Variants in DCAF4 observed in about 807,000 individuals in gnomAD.
The protein encoded by DCAF4 is DDB1 and CUL4 associated factor 4, also known as DDB1- and CUL4-associated factor 4.
Under a neutral mutation model 60.9 loss-of-function variants are expected in DCAF4, and 37 were observed. The ratio of observed to expected loss-of-function variants is 0.61; its 90% CI spans 0.47 to 0.80. The LOEUF (loss-of-function observed/expected upper bound fraction) is 0.80. Among genes scored for constraint, DCAF4 ranks in the 30% least tolerant of loss-of-function variants. The probability of loss-of-function intolerance (pLI) is 0.00; values close to 1 mark genes in which losing one functional copy is unlikely to be tolerated. For synonymous variants in DCAF4, 243 were observed against 254.8 expected, an observed-to-expected ratio of 0.95 and a Z score of 0.44; for missense variants, 577 against 650.0, an observed-to-expected ratio of 0.89 and a Z score of 1.22.
chr14:72,937,285 C>A (rs1351396541), intron 1 of DCAF4, among the ~76,000 whole-genome samples: 1 of 151,968 alleles, frequency 6.6e-6, no homozygotes, highest in Non-Finnish European at 1.5e-5. Flanking sequence ...TGGGATGGGT[C>A]TCCCTTGAAA....
chr14:72,944,568 G>C (rs1369819525), intron 6 of DCAF4, among the ~76,000 whole-genome samples: 3 of 152,108 alleles, frequency 2.0e-5, no homozygotes, highest in Non-Finnish European at 2.9e-5. Flanking sequence ...CTCAGCAGGT[G>C]GTTCACTTGA....
At chr14:72,937,410 CTTTTTTTTTT>C (rs11288108) in intron 1 of DCAF4, among the ~76,000 whole-genome samples, 1 of 105,752 alleles carries the variant, frequency 9.5e-6, no homozygotes, top group African/African-American at 3.6e-5. Flanking sequence ...TTTTTCTTTT[CTTTTTTTTTT>C]TTTTTTTTTT....
intron 8 of DCAF4, among the ~76,000 whole-genome samples, chr14:72,947,607 C>T (rs549018567): frequency 1.3e-5 from 2 of 152,278 alleles, no homozygotes; most frequent in East Asian, 1.9e-4. Context: ...AGCAGAGGAA[C>T]AAGGCAGAAA....
At chr14:72,961,321 C>T (rs1892811916), downstream of DCAF4, among the ~76,000 whole-genome samples, 1 of 152,232 alleles carries the variant, frequency 6.6e-6, no homozygotes, top group South Asian at 2.1e-4. Flanking sequence ...CCCCTCACTG[C>T]TGTGTCCTGC....
chr14:72,954,948 C>G (rs370354470), intron 11 of DCAF4, among the ~76,000 whole-genome samples: 1 of 152,032 alleles, frequency 6.6e-6, no homozygotes, highest in African/African-American at 2.4e-5. Context: ...AACCCCTTCT[C>G]TACTAAAAAT....
chr14:72,938,675 G>A (rs1889618098), intron 2 of DCAF4, among the ~76,000 whole-genome samples: 1 of 152,078 alleles, frequency 6.6e-6, no homozygotes, highest in African/African-American at 2.4e-5. Flanking sequence ...GAATGCTAGA[G>A]GCAGTCAGTA....
intron 9 of DCAF4, among the ~76,000 whole-genome samples, chr14:72,953,375 C>T (rs1181828148): frequency 2.0e-5 from 3 of 151,898 alleles, no homozygotes; most frequent in African/African-American, 4.8e-5. Context: ...TGAACTGTAT[C>T]CTTACAATCT....
At chr14:72,940,813 A>T (rs1228119296) in intron 4 of DCAF4, among the ~76,000 whole-genome samples, 2 of 149,372 alleles carry the variant, frequency 1.3e-5, no homozygotes, top group Non-Finnish European at 3.0e-5. Flanking sequence ...TTGGTCTTGA[A>T]CTCCTGACTT....
At chr14:72,960,983 G>C (rs1892797328), downstream of DCAF4, among the ~76,000 whole-genome samples, 1 of 151,772 alleles carries the variant, frequency 6.6e-6, no homozygotes, top group South Asian at 2.1e-4. Context: ...ACCTCCTTGG[G>C]CTTGAGCAAT....
At chr14:72,961,056 T>G (rs1892800475), downstream of DCAF4, among the ~76,000 whole-genome samples, 1 of 151,848 alleles carries the variant, frequency 6.6e-6, no homozygotes, top group Non-Finnish European at 1.5e-5. Flanking sequence ...CTCAGTTAAT[T>G]TTTTATTTTT....
intron 6 of DCAF4, among the ~76,000 whole-genome samples, chr14:72,943,426 C>T (rs1350586108): frequency 6.6e-6 from 1 of 152,178 alleles, no homozygotes; most frequent in East Asian, 1.9e-4. Context: ...AAAAGGCTCA[C>T]AGTGGACCTG....
intron 8 of DCAF4, among the ~76,000 whole-genome samples, chr14:72,947,992 T>C (rs1381749553): frequency 6.6e-6 from 1 of 152,176 alleles, no homozygotes; most frequent in Non-Finnish European, 1.5e-5. Flanking sequence ...TTAAATGTGT[T>C]CTGGAAACAA....
rs1206382493 is a variant in DCAF4 at position 72,945,905 on chromosome 14, C to T, written c.556C>T (p.Leu186Phe). The T allele has an allele frequency of 1.9e-6, 3 of 1,614,094 alleles. No individual in the cohort carries two copies. The highest frequency in any genetic ancestry group is 2.5e-6 in the Non-Finnish European group (3 of 1,180,040). The change falls in exon 7 of 14, where the codon CTC becomes TTC. Residue 186 changes from leucine to phenylalanine, a missense_variant. By Grantham distance (22) the Leu-to-Phe change is conservative. Coordinates refer to ENST00000358377, the MANE Select transcript of DCAF4 (RefSeq NM_015604.4). Reference sequence around the variant, plus strand: ...CCAGGCAGATACCAACAGTGACCGGCTCTTCACAGTGAACGATGTTAAAGT... The same window carrying T: ...CCAGGCAGATACCAACAGTGACCGGTTCTTCACAGTGAACGATGTTAAAGT... The part of the protein sequence containing the change: ...LILADTNSDR[L>F]FTVNDVKVGG...
chr14:72,956,355 T>A (rs771083635), intron 12 of DCAF4, 31 bp from the exon 13 acceptor site: 1 of 1,555,154 alleles, frequency 6.4e-7, no homozygotes, highest in Non-Finnish European at 8.7e-7. Flanking sequence ...CCCTGGCCCC[T>A]CCCTGATGGC....
At chr14:72,961,404 T>TC (rs1179133826), downstream of DCAF4, among the ~76,000 whole-genome samples, 1 of 152,156 alleles carries the variant, frequency 6.6e-6, no homozygotes, top group Non-Finnish European at 1.5e-5. Context: ...TAAACCCTCC[T>TC]CCCAGCCCAA....
At chr14:72,928,602 T>C (rs1305882700) in intron 1 of DCAF4, among the ~76,000 whole-genome samples, 2 of 150,768 alleles carry the variant, frequency 1.3e-5, no homozygotes, top group Non-Finnish European at 3.0e-5. Flanking sequence ...TATATATATA[T>C]ATATATATAT....
chr14:72,953,151 C>G (rs954118268), intron 9 of DCAF4, among the ~76,000 whole-genome samples: 3 of 151,836 alleles, frequency 2.0e-5, no homozygotes, highest in Non-Finnish European at 4.4e-5. Context: ...CAGGCATGTA[C>G]CACCACACCC....
At chr14:72,961,210 C>A (rs1475052080), downstream of DCAF4, among the ~76,000 whole-genome samples, 1 of 152,088 alleles carries the variant, frequency 6.6e-6, no homozygotes, top group Non-Finnish European at 1.5e-5. Context: ...ACTAACCCCA[C>A]GGCACAGTTT....
chr14:72,942,956 A>T (rs1370657346), intron 5 of DCAF4, 38 bp from the exon 6 acceptor site: 1 of 1,593,202 alleles, frequency 6.3e-7, no homozygotes, highest in African/African-American at 1.3e-5. Flanking sequence ...CATGGATGTC[A>T]GCTTCAGCAT....
Sources: allele counts gnomAD v4.1 joint callset (sites outside exome capture counted in the v4.1 genomes callset), GRCh38; gene constraint gnomAD v4.1.1; transcripts MANE v1.5; gene names NCBI Gene and HGNC (gene_info 2026-07-23, HGNC 2026-07-21).